The following SERPINF2 variants were observed in gnomAD, a reference collection of about 807,000 sequenced individuals.
SERPINF2 encodes the protein serpin family F member 2.
In SERPINF2, 15 loss-of-function variants were observed where a neutral mutation model predicts 45.0. That is an observed-to-expected ratio of 0.33 (90% CI 0.22 to 0.51). The LOEUF is 0.51. Among genes scored for constraint, SERPINF2 ranks in the 20% least tolerant of loss-of-function variants. SERPINF2 has a pLI of 0.97. For missense variants in SERPINF2, 518 were observed against 637.4 expected, an observed-to-expected ratio of 0.81 and a Z score of 2.02; for synonymous variants, 283 against 277.9, an observed-to-expected ratio of 1.02 and a Z score of -0.18.
chr17:1,748,314 A>T (rs1018031539), intron 7 of SERPINF2, among the ~76,000 whole-genome samples: 1 of 152,092 alleles, frequency 6.6e-6, no homozygotes, highest in African/African-American at 2.4e-5. Context: ...AAAAAAAAAA[A>T]AAAGATCCAG....
At chr17:1,750,889 C>T (rs1364037519) in intron 8 of SERPINF2, among the ~76,000 whole-genome samples, 1 of 152,180 alleles carries the variant, frequency 6.6e-6, no homozygotes, top group Non-Finnish European at 1.5e-5. Flanking sequence ...CTCCCCGAGG[C>T]TCCCCTTTCC....
intron 1 of SERPINF2, 102 bp downstream of exon 1, chr17:1,743,010 C>A: frequency 5.1e-6 from 5 of 985,446 alleles, no homozygotes; most frequent in Non-Finnish European, 6.0e-6. Flanking sequence ...AGGCCTGTCA[C>A]TCCCCAGCCT....
intron 6 of SERPINF2, 46 bp from the exon 7 acceptor site, chr17:1,747,263 T>C: frequency 6.2e-7 from 1 of 1,611,530 alleles, no homozygotes; most frequent in Non-Finnish European, 8.5e-7. Flanking sequence ...CGTGTCTGGC[T>C]GTGGAGCCTG....
At position 1,754,515 on chromosome 17, in the gene SERPINF2, A is replaced by G. The variant is rs773199954; in HGVS notation, c.1457A>G (p.Gln486Arg). 6.8e-6 allele frequency: 11 copies of G among 1,610,220 alleles called. No homozygotes were observed. The South Asian group carries it at 8.8e-5, about 13-fold the overall frequency. Residue 486 changes from glutamine to arginine, a missense_variant, in exon 10 of 10, where the codon CAG becomes CGG. Physicochemically the swap from Gln to Arg is conservative, Grantham distance 43. Transcript: ENST00000453066. ...CCCCCCATGGAGGAGGATTACCCCC[A>G]GTTTGGCAGCCCCAAGTGAGGGGCC... ...LVPPMEEDYP[Q>R]FGSPK is the part of the protein sequence containing the mutation.
intron 8 of SERPINF2, among the ~76,000 whole-genome samples, chr17:1,749,593 G>A (rs987839256): frequency 2.0e-5 from 3 of 152,074 alleles, no homozygotes; most frequent in South Asian, 2.1e-4. Flanking sequence ...TTGAGACTCC[G>A]ACTCAGAAAA....
chr17:1,743,715 CAA>C (rs61163841), intron 1 of SERPINF2, among the ~76,000 whole-genome samples: 2,658 of 33,542 alleles, frequency 0.079, 55 homozygotes, highest in African/African-American at 0.22. Flanking sequence ...AACTCCATCT[CAA>C]AAAAAAAAAA....
rs1905788276 is a variant in SERPINF2, at chr17:1,745,991, T to G, written c.367+82T>G. The G allele has an allele frequency of 2.0e-6, 3 of 1,465,498 alleles. No individual in the cohort carries two copies. The highest frequency in any genetic ancestry group is 1.7e-4 in the Middle Eastern group (1 of 5,772). 90.8% of individuals were successfully genotyped at this position (1,465,498 alleles called of 1,614,324 possible). On this transcript the variant is annotated intron_variant, in intron 5 of 9. Transcript: ENST00000453066. This position sits in a 1 kb window ranked among gnomAD's most constrained non-coding sequence, Gnocchi z 6.2. ...TACTCCAATGGTTCTCCGCGGGCGGTTCCTCCACCAGGGTCACGTGGCTGT... is the reference window on the plus strand; with the variant it reads ...TACTCCAATGGTTCTCCGCGGGCGGGTCCTCCACCAGGGTCACGTGGCTGT...
intron 8 of SERPINF2, among the ~76,000 whole-genome samples, chr17:1,750,832 C>T (rs954694530): frequency 2.0e-5 from 3 of 152,174 alleles, no homozygotes; most frequent in Non-Finnish European, 2.9e-5. Context: ...CCCGGGAACG[C>T]GTCCTGGCTT....
chr17:1,750,724 C>T (rs1056071738), intron 8 of SERPINF2, among the ~76,000 whole-genome samples: 9 of 152,164 alleles, frequency 5.9e-5, no homozygotes, highest in Non-Finnish European at 1.3e-4. Context: ...TTGTTAGCTT[C>T]CCAAGGCAAG....
chr17:1,746,090 C>T (rs974365787), intron 5 of SERPINF2, among the ~76,000 whole-genome samples, 181 bp downstream of exon 5: 2 of 152,062 alleles, frequency 1.3e-5, no homozygotes, highest in Admixed American at 6.6e-5. Flanking sequence ...GAGGCTGAGG[C>T]GGGTGGATCA....
Position 1,750,157 on chromosome 17 carries a change from G to GTTT in SERPINF2, c.858+1418_858+1420dup, listed in dbSNP as rs1906245583. On this transcript the variant is annotated intron_variant, in intron 8 of 9. Transcript: ENST00000453066. ...CCTGGCTAATTTTGTTCGTTTGTTT[G>GTTT]TTTGTTTTTGAGACGGAGTTTCTCT... 2.0e-5 allele frequency among the ~76,000 whole-genome samples: 3 copies of GTTT among 151,488 alleles called. No individual in the cohort carries two copies. The South Asian group carries it at 6.3e-4, about 32-fold the overall frequency.
At chr17:1,752,389 G>T (rs1204162125) in intron 8 of SERPINF2, among the ~76,000 whole-genome samples, 197 bp from the exon 9 acceptor site, 1 of 152,116 alleles carries the variant, frequency 6.6e-6, no homozygotes, top group African/African-American at 2.4e-5. Flanking sequence ...ATCTCATTCG[G>T]TTACGTGTCC....
rs375490272 is a variant in SERPINF2 at position 1,754,452 on chromosome 17, G to A, written c.1394G>A (p.Arg465His). Residue 465 changes from arginine (R) to histidine (H), a missense_variant, in exon 10 of 10, where the codon CGC (arginine) becomes CAC (histidine). Physicochemically the swap from Arg to His is conservative, Grantham distance 29 (BLOSUM62 0). Transcript: ENST00000453066. ...CTCCAGAGCCTGAAAGGCTTCCCCC[G>A]CGGAGACAAGCTTTTCGGCCCTGAC... ...DFLQSLKGFP[R>H]GDKLFGPDLK... 4.8e-5 allele frequency: 78 copies of A among 1,608,412 alleles called. No individual in the cohort carries two copies. The highest frequency in any genetic ancestry group is 1.5e-4 in the Admixed American group (9 of 59,446).
At chr17:1,744,142 G>A (rs1174616747) in intron 1 of SERPINF2, among the ~76,000 whole-genome samples, 1 of 151,086 alleles carries the variant, frequency 6.6e-6, no homozygotes. Context: ...TGATCCACCT[G>A]CCCCTGGCCT....
rs142546325 is a variant in SERPINF2, at chr17:1,748,668, G to A, written c.786G>A (p.Thr262=). ...CCTTCCACCTGGACGAGCAGTTCACGGTGCCCGTGGAAATGATGCAGGCCC... is the reference window on the plus strand; with the variant it reads ...CCTTCCACCTGGACGAGCAGTTCACAGTGCCCGTGGAAATGATGCAGGCCC... ...RDSFHLDEQF[T]VPVEMMQART... The change falls in exon 8 of 10, where the codon ACG becomes ACA. Residue 262 remains threonine (T), a synonymous_variant. Coordinates refer to ENST00000453066, the MANE Select transcript of SERPINF2 (RefSeq NM_000934.4). The A allele has an allele frequency of 5.3e-5, 86 of 1,612,822 alleles. No individual in the cohort carries two copies. The African/African-American group carries it at 7.2e-4, about 13-fold the overall frequency.
intron 8 of SERPINF2, among the ~76,000 whole-genome samples, chr17:1,749,466 C>T (rs1043619105): frequency 4.4e-4 from 67 of 152,322 alleles, no homozygotes; most frequent in African/African-American, 1.6e-3. Context: ...GCCATGGTGG[C>T]GGGCGCCTGT....
chr17:1,745,592 C>A lies in SERPINF2; in HGVS notation c.166-116C>A. The A allele has an allele frequency of 1.6e-6, 2 of 1,253,866 alleles. No homozygotes were observed. Among genetic ancestry groups the A allele is most frequent in the East Asian group, 2.4e-5 (1 of 40,928 alleles). The allele number at this position is 1,253,866 out of a possible 1,614,324, so 77.7% of individuals were successfully genotyped here. ...TGCCCTCCGTCTGACGCTCCCTCTT[C>A]CCTGGGGCTGGGACAAGGCCCTGCT... On this transcript the variant is annotated intron_variant, in intron 4 of 9. Transcript: ENST00000453066. The surrounding 1 kb of genome is among the most constrained non-coding windows in gnomAD (Gnocchi z 6.2).
intron 8 of SERPINF2, among the ~76,000 whole-genome samples, chr17:1,749,053 G>C (rs962714586): frequency 1.3e-5 from 2 of 152,212 alleles, no homozygotes; most frequent in Non-Finnish European, 2.9e-5. Flanking sequence ...TTAGGAAGGA[G>C]GATACACAGT....
intron 8 of SERPINF2, among the ~76,000 whole-genome samples, chr17:1,752,240 G>T (rs1906464138): frequency 6.6e-6 from 1 of 152,096 alleles, no homozygotes; most frequent in African/African-American, 2.4e-5. Flanking sequence ...ATTTTTAGTA[G>T]AGATGAGGTT....
Sources: allele counts gnomAD v4.1 joint callset (sites outside exome capture counted in the v4.1 genomes callset), GRCh38; gene constraint gnomAD v4.1.1; non-coding constraint Gnocchi (gnomAD v3.1); transcripts MANE v1.5; gene names NCBI Gene and HGNC (gene_info 2026-07-23, HGNC 2026-07-21).